The following TRPM2 variants were observed in gnomAD, a reference collection of about 807,000 sequenced individuals.
TRPM2 encodes the protein transient receptor potential cation channel subfamily M member 2.
A neutral mutation model predicts 174.0 loss-of-function variants in TRPM2; 161 were observed. The ratio of observed to expected loss-of-function variants is 0.93; its 90% confidence interval spans 0.81 to 1.05. TRPM2 has a LOEUF of 1.05. Ranked by LOEUF, TRPM2 falls within the 50% of genes least tolerant of loss-of-function variation. The pLI is 0.00. For missense variants in TRPM2, 2,057 were observed against 2,038.0 expected, an observed-to-expected ratio of 1.01 and a Z score of -0.18; for synonymous variants, 954 against 861.3, an observed-to-expected ratio of 1.11 and a Z score of -1.88.
intron 3 of TRPM2, among the ~76,000 whole-genome samples, chr21:44,364,763 G>A (rs2146145478): frequency 6.6e-6 from 1 of 152,330 alleles, no homozygotes; most frequent in South Asian, 2.1e-4. Flanking sequence ...GTCCTTGCGA[G>A]GAGTCTGGGC....
intron 22 of TRPM2, chr21:44,422,330 G>T (rs769027563): frequency 3.3e-6 from 5 of 1,536,020 alleles, no homozygotes; most frequent in Non-Finnish European, 4.4e-6. Context: ...GACAGTTCCT[G>T]CATCTCACGG....
In TRPM2 at chr21:44,379,062, C is replaced by T. The variant is rs758050924; in HGVS notation, c.1080C>T (p.Ala360=). The T allele has an allele frequency of 2.5e-5, 40 of 1,612,030 alleles. No individual in the cohort carries two copies. The East Asian group carries it at 3.1e-4, about 13-fold the overall frequency. ...CVVVEGSGRV[A]DVIAQVANLP... ...TTGTGGAGGGCTCGGGCCGCGTGGC[C>T]GACGTCATTGCCCAGGTGGCCAACC... is the stretch of plus-strand genomic sequence containing the variant. The change falls in exon 8 of 32, where the codon GCC becomes GCT. Residue 360 remains alanine, a synonymous_variant. Transcript: ENST00000397928.
At position 44,379,049 on chromosome 21, in the gene TRPM2, C is replaced by T. The variant is rs138507862; in HGVS notation, c.1067C>T (p.Ser356Leu). The T allele has an allele frequency of 5.2e-5, 83 of 1,610,918 alleles. No homozygotes were observed. Among genetic ancestry groups the T allele is most frequent in the African/African-American group, 2.1e-4 (16 of 74,940 alleles). The change falls in exon 8 of 32, where the codon TCG (serine) becomes TTG (leucine). Residue 356 changes from serine to leucine, a missense_variant. Transcript: ENST00000397928. ...NGTPCVVVEG[S>L]GRVADVIAQV... ...ACCCCCTGTGTGGTTGTGGAGGGCT[C>T]GGGCCGCGTGGCCGACGTCATTGCC...
intron 9 of TRPM2, among the ~76,000 whole-genome samples, chr21:44,383,172 C>G (rs1462051608): frequency 6.6e-6 from 1 of 152,182 alleles, no homozygotes; most frequent in Non-Finnish European, 1.5e-5. Flanking sequence ...ACCTCTGATG[C>G]AGGAAAGAGT....
chr21:44,417,957 G>C lies in TRPM2; in HGVS notation c.3177G>C (p.Thr1059=). Residue 1059 remains threonine, a synonymous_variant, in exon 21 of 32, where the codon ACG becomes ACC. Coordinates refer to ENST00000397928, the MANE Select transcript of TRPM2 (RefSeq NM_003307.4). ...NYTFQQVQEH[T]DQIWKFQRHD... is the part of the protein sequence containing the mutation. ...CCTTCCAGCAGGTGCAGGAGCACAC[G>C]GACCAGATTTGGAAGTTCCAGCGCC... is the stretch of plus-strand genomic sequence containing the variant. 2 of 1,612,726 alleles carry C rather than the reference G, an allele frequency of 1.2e-6. No individual in the cohort carries two copies. Among genetic ancestry groups the C allele is most frequent in the African/African-American group, 2.7e-5 (2 of 75,048 alleles).
chr21:44,389,933 C>T (rs755208401), intron 9 of TRPM2, among the ~76,000 whole-genome samples: 15 of 147,716 alleles, frequency 1.0e-4, no homozygotes, highest in Non-Finnish European at 1.3e-4. Context: ...AGTGCAGTGG[C>T]GCGATCTCGG....
chr21:44,387,284 A>G (rs1017203511), intron 9 of TRPM2, among the ~76,000 whole-genome samples: 2 of 152,250 alleles, frequency 1.3e-5, no homozygotes, highest in Non-Finnish European at 2.9e-5. Flanking sequence ...ACAGGAATGC[A>G]AAAATCATTC....
At chr21:44,356,103 GGGAGGCCGAGGCA>G (rs2048051189) in intron 2 of TRPM2, among the ~76,000 whole-genome samples, 1 of 127,492 alleles carries the variant, frequency 7.8e-6, no homozygotes, top group South Asian at 3.1e-4. Context: ...CCAGCACTTT[GGGAGGCCGAGGCA>G]GGTGATCCAC....
rs1333880188 is a variant in TRPM2, at chr21:44,423,727, G to T, written c.3544G>T (p.Glu1182Ter). 6.2e-7 allele frequency: 1 copy of T among 1,606,700 alleles called. No individual in the cohort carries two copies. Residue 1182 changes from glutamate (E) to a stop codon, truncating the protein, a stop_gained, in exon 23 of 32, where the codon GAG becomes TAG. Transcript: ENST00000397928. LOFTEE classifies it high-confidence loss of function. ...GGAGCAGAGGTTGGCCTCCCTGGAGGAGCAGGTGGGTCCGAGGTCGGGGCC... is the reference window on the plus strand; with the variant it reads ...GGAGCAGAGGTTGGCCTCCCTGGAGTAGCAGGTGGGTCCGAGGTCGGGGCC... ...SMEQRLASLEEQVAQTAQALH... is the reference protein window; with the variant it reads ...SMEQRLASLE
chr21:44,418,926 A>G (rs1005278966), intron 22 of TRPM2, among the ~76,000 whole-genome samples: 1 of 152,190 alleles, frequency 6.6e-6, no homozygotes, highest in Non-Finnish European at 1.5e-5. Flanking sequence ...GTTGGTGCAC[A>G]GCCTTATTAT....
intron 19 of TRPM2, 25 bp from the exon 20 acceptor site, chr21:44,413,866 C>T (rs774127723): frequency 1.0e-5 from 16 of 1,597,716 alleles, no homozygotes; most frequent in Admixed American, 8.4e-5. Context: ...TTTCTTGGCT[C>T]ACCCACCCCC....
At chr21:44,407,657 T>C (rs1255864812) in intron 19 of TRPM2, among the ~76,000 whole-genome samples, 1 of 151,698 alleles carries the variant, frequency 6.6e-6, no homozygotes, top group Non-Finnish European at 1.5e-5. Flanking sequence ...GTGAGCTGCC[T>C]TTTCTGGGCG....
chr21:44,382,683 C>A, intron 8 of TRPM2, 35 bp from the exon 9 acceptor site: 1 of 1,602,280 alleles, frequency 6.2e-7, no homozygotes, highest in South Asian at 1.1e-5. Flanking sequence ...GTTCAGGAGT[C>A]ACTGTGTGTC....
intron 27 of TRPM2, among the ~76,000 whole-genome samples, chr21:44,427,511 C>G (rs555045908): frequency 2.6e-5 from 4 of 152,162 alleles, no homozygotes; most frequent in Non-Finnish European, 5.9e-5. Flanking sequence ...GCATCCTGTT[C>G]CCCACAGGAT....
At chr21:44,403,529 TGCACACACACATAG>T (rs372646990) in intron 16 of TRPM2, among the ~76,000 whole-genome samples, 11 of 146,542 alleles carry the variant, frequency 7.5e-5, no homozygotes, top group African/African-American at 1.8e-4. Flanking sequence ...TGCACACAAA[TGCACACACACATAG>T]GCACACACAC....
At chr21:44,380,455 C>T (rs1394503482) in intron 8 of TRPM2, among the ~76,000 whole-genome samples, 3 of 152,158 alleles carry the variant, frequency 2.0e-5, no homozygotes, top group Non-Finnish European at 4.4e-5. Context: ...ATTATTCAGG[C>T]AATTCTCAGA....
At chr21:44,389,544 T>C (rs45529931) in intron 9 of TRPM2, among the ~76,000 whole-genome samples, 5,868 of 152,288 alleles carry the variant, frequency 0.039, 334 homozygotes, top group African/African-American at 0.12. Context: ...TACATCCTTG[T>C]CCACACTTGG....
In TRPM2 at chr21:44,407,317, G is replaced by A. The variant is rs571556129; in HGVS notation, c.2962+552G>A. ...ATTTTTGTATTTTTTGTAGAGATGGGGGTTTCAGCATGTGGCCCAGGCTAG... is the reference window on the plus strand; with the variant it reads ...ATTTTTGTATTTTTTGTAGAGATGGAGGTTTCAGCATGTGGCCCAGGCTAG... On this transcript the variant is annotated intron_variant, in intron 19 of 31. Coordinates refer to ENST00000397928, the MANE Select transcript of TRPM2 (RefSeq NM_003307.4). 7.4e-5 allele frequency among the ~76,000 whole-genome samples: 11 copies of A among 149,206 alleles called. No homozygotes were observed. In the South Asian group the frequency reaches 2.4e-3, roughly 32 times the overall value.
chr21:44,408,262 A>G (rs1350306929), intron 19 of TRPM2, among the ~76,000 whole-genome samples: 1 of 152,006 alleles, frequency 6.6e-6, no homozygotes. Flanking sequence ...CACTTTTCAC[A>G]TGCTGTGAAT....
Sources: gnomAD v4.1 joint callset for allele counts (sites outside exome capture counted in the v4.1 genomes callset) on GRCh38, gnomAD v4.1.1 for gene constraint, MANE v1.5 for transcripts, NCBI Gene and HGNC (gene_info 2026-07-23, HGNC 2026-07-21) for gene names.